The following DPYD variants were observed in gnomAD, a reference collection of about 807,000 sequenced individuals.
The protein encoded by DPYD is dihydropyrimidine dehydrogenase.
In DPYD, 109 loss-of-function variants were observed where a neutral mutation model predicts 116.2. The ratio of observed to expected loss-of-function variants is 0.94; its 90% CI spans 0.80 to 1.10. The LOEUF is 1.10. Among genes scored for constraint, DPYD ranks in the 50% least tolerant of loss-of-function variants. DPYD has a pLI of 0.00. For synonymous variants in DPYD, 440 were observed against 432.0 expected, an observed-to-expected ratio of 1.02 and a Z score of -0.23; for missense variants, 1,302 against 1,254.5, an observed-to-expected ratio of 1.04 and a Z score of -0.57.
intron 3 of DPYD, among the ~76,000 whole-genome samples, chr1:97,784,272 T>A (rs34875839): frequency 0.015 from 1,516 of 101,224 alleles, 13 homozygotes; most frequent in Non-Finnish European, 0.023. Context: ...TTCCTTTTTT[T>A]AAAAAAAAAA....
chr1:97,789,949 A>C (rs1384862962), intron 3 of DPYD, among the ~76,000 whole-genome samples: 1 of 152,160 alleles, frequency 6.6e-6, no homozygotes, highest in East Asian at 1.9e-4. Context: ...AAAACAAAAA[A>C]CGAAGCCCTT....
chr1:97,281,607 C>T (rs1010906574), intron 18 of DPYD, among the ~76,000 whole-genome samples: 3 of 151,756 alleles, frequency 2.0e-5, no homozygotes, highest in Non-Finnish European at 4.4e-5. Context: ...TTCAAATATG[C>T]AAATTTTATC....
At position 97,546,730 on chromosome 1, in the gene DPYD, C is replaced by T. The variant is rs1329484707; in HGVS notation, c.1524+2830G>A. 5.0e-6 allele frequency: 8 copies of T among 1,613,070 alleles called. 1 individual carries two copies. The Admixed American group carries it at 5.0e-5, about 10-fold the overall frequency. ...TACAGAGGAAGTAGAGCTGAAGTTT[C>T]CTGCACCAGGCAAGCCTGGAAATTA... On this transcript the variant is annotated intron_variant, in intron 12 of 22. Transcript: ENST00000370192.
chr1:97,758,769 T>C (rs1199942039), intron 3 of DPYD, among the ~76,000 whole-genome samples: 2 of 152,168 alleles, frequency 1.3e-5, no homozygotes, highest in Non-Finnish European at 2.9e-5. Context: ...TTCCCATTTA[T>C]TTCTATCCCT....
chr1:97,409,751 C>T (rs2101662164), intron 14 of DPYD, among the ~76,000 whole-genome samples: 1 of 152,202 alleles, frequency 6.6e-6, no homozygotes, highest in East Asian at 1.9e-4. Context: ...GGTGTTCTTC[C>T]ACATCTTCTT....
At chr1:97,529,465 T>C (rs1042729417) in intron 12 of DPYD, among the ~76,000 whole-genome samples, 5 of 152,178 alleles carry the variant, frequency 3.3e-5, no homozygotes, top group African/African-American at 9.7e-5. Flanking sequence ...AGCAGTATTA[T>C]TACACACCTT....
chr1:97,679,924 T>C (rs1223936056), intron 7 of DPYD, among the ~76,000 whole-genome samples: 1 of 152,122 alleles, frequency 6.6e-6, no homozygotes, highest in African/African-American at 2.4e-5. Context: ...TATGGTCATT[T>C]ATCCAAGCAA....
At chr1:97,106,572 C>A (rs1017165190) in intron 20 of DPYD, among the ~76,000 whole-genome samples, 1 of 152,094 alleles carries the variant, frequency 6.6e-6, no homozygotes, top group Non-Finnish European at 1.5e-5. Context: ...GGCCTTTGGA[C>A]TGTAGGCCTT....
chr1:97,810,927 A>G (rs17117236), intron 3 of DPYD, among the ~76,000 whole-genome samples: 3,910 of 152,094 alleles, frequency 0.026, 165 homozygotes, highest in African/African-American at 0.086. Flanking sequence ...TATAGCTTCA[A>G]CCTCATCTCC....
At chr1:97,108,893 T>C (rs1256191780) in intron 20 of DPYD, among the ~76,000 whole-genome samples, 2 of 152,100 alleles carry the variant, frequency 1.3e-5, no homozygotes, top group African/African-American at 2.4e-5. Context: ...GAATAAAATA[T>C]AGATACACAT....
intron 13 of DPYD, among the ~76,000 whole-genome samples, chr1:97,476,779 G>C (rs1677991688): frequency 6.6e-6 from 1 of 151,646 alleles, no homozygotes. Context: ...ACACCTAGGA[G>C]ATGCTGCAGG....
intron 1 of DPYD, among the ~76,000 whole-genome samples, chr1:97,895,472 G>C (rs1052971352): frequency 6.6e-6 from 1 of 151,734 alleles, no homozygotes; most frequent in African/African-American, 2.4e-5. Context: ...TCACAAAACT[G>C]TAATAAATCA....
chr1:97,698,551 A>T (rs966578515), intron 6 of DPYD, among the ~76,000 whole-genome samples: 2 of 151,940 alleles, frequency 1.3e-5, no homozygotes, highest in Non-Finnish European at 2.9e-5. Context: ...CAGTAGCCAC[A>T]ACAAATTTAA....
intron 6 of DPYD, among the ~76,000 whole-genome samples, chr1:97,697,589 A>G (rs139362675): frequency 6.0e-4 from 92 of 152,212 alleles, no homozygotes; most frequent in African/African-American, 2.2e-3. Flanking sequence ...TTGTCTCTAC[A>G]TACTGAAAAG....
At position 97,235,003 on chromosome 1, in the gene DPYD, A is replaced by T; in HGVS notation, c.2300-9T>A. 1 of 1,614,096 alleles carries T rather than the reference A, an allele frequency of 6.2e-7. No homozygotes were observed. Among genetic ancestry groups the T allele is most frequent in the Non-Finnish European group, 8.5e-7 (1 of 1,179,996 alleles). On this transcript the variant is annotated splice_polypyrimidine_tract_variant and intron_variant, in intron 18 of 22. Coordinates refer to ENST00000370192, the MANE Select transcript of DPYD (RefSeq NM_000110.4). ...AGGTCTGATTGCTGTCCCTACACAA[A>T]ATCAGAATAATCAATGGTTAGCACA...
intron 20 of DPYD, among the ~76,000 whole-genome samples, chr1:97,185,878 A>G (rs1385991173): frequency 2.0e-5 from 3 of 152,210 alleles, no homozygotes; most frequent in Admixed American, 2.0e-4. Flanking sequence ...GCAATGTTGC[A>G]TGCTTTGGCA....
chr1:97,569,719 C>T (rs1370472353), intron 11 of DPYD, among the ~76,000 whole-genome samples: 2 of 151,750 alleles, frequency 1.3e-5, no homozygotes, highest in Admixed American at 6.6e-5. Context: ...TTAAGGCTGA[C>T]GTTATATCAA....
chr1:97,685,970 G>T (rs1033421560), intron 7 of DPYD, among the ~76,000 whole-genome samples: 4 of 152,210 alleles, frequency 2.6e-5, no homozygotes, highest in Admixed American at 2.6e-4. Flanking sequence ...CACAGAGTTA[G>T]AAAAAACTAC....
intron 8 of DPYD, among the ~76,000 whole-genome samples, chr1:97,619,170 A>G (rs1656482707): frequency 6.6e-6 from 1 of 152,200 alleles, no homozygotes. Context: ...CATTCTAGAA[A>G]AGTGTAGTCA....
Sources: gnomAD v4.1 joint callset for allele counts (sites outside exome capture counted in the v4.1 genomes callset) on GRCh38, gnomAD v4.1.1 for gene constraint, MANE v1.5 for transcripts, NCBI Gene and HGNC (gene_info 2026-07-23, HGNC 2026-07-21) for gene names.